SPRED2: variants seen among roughly 807,000 people sequenced by gnomAD.
The protein encoded by SPRED2 is sprouty related EVH1 domain containing 2.
In SPRED2, 47 loss-of-function variants were observed where a neutral mutation model predicts 43.0. The ratio of observed to expected loss-of-function variants is 1.09; its 90% CI spans 0.87 to 1.40. The LOEUF (loss-of-function observed/expected upper bound fraction) is 1.40, where lower values mean the gene tolerates loss of function less well. Among genes scored for constraint, SPRED2 ranks in the 40% most tolerant of loss-of-function variants. The pLI is 0.00. For missense variants in SPRED2, 561 were observed against 586.4 expected (o/e 0.96, Z 0.45); for synonymous variants, 225 against 225.7 (o/e 1.00, Z 0.03).
intron 4 of SPRED2, among the ~76,000 whole-genome samples, chr2:65,317,984 A>AT (rs1673295148): frequency 1.3e-5 from 2 of 152,156 alleles, no homozygotes; most frequent in African/African-American, 4.8e-5. Flanking sequence ...GGCACCCAGT[A>AT]TGCCACCTGA....
intron 1 of SPRED2, among the ~76,000 whole-genome samples, chr2:65,362,577 G>A (rs754316637): frequency 1.3e-5 from 2 of 152,048 alleles, no homozygotes; most frequent in East Asian, 3.9e-4. Flanking sequence ...GCCGTCACCT[G>A]TTATGAAGAA....
chr2:65,383,844 T>C (rs1462945777), intron 1 of SPRED2, among the ~76,000 whole-genome samples: 1 of 152,226 alleles, frequency 6.6e-6, no homozygotes, highest in Non-Finnish European at 1.5e-5. Context: ...AGGCAAGTTA[T>C]AAAAACAGGA....
chr2:65,393,644 G>A (rs1205238347), intron 1 of SPRED2, among the ~76,000 whole-genome samples: 1 of 151,944 alleles, frequency 6.6e-6, no homozygotes, highest in African/African-American at 2.4e-5. Context: ...ATTTTTTGTT[G>A]TTGTTGTTTT....
intron 4 of SPRED2, among the ~76,000 whole-genome samples, chr2:65,331,470 A>G (rs1272714809): frequency 6.6e-6 from 1 of 152,206 alleles, no homozygotes; most frequent in Admixed American, 6.5e-5. Context: ...CTGCGTTAGC[A>G]CACTTGGGCC....
At chr2:65,334,370 C>T in intron 3 of SPRED2, 2 of 612,640 alleles carry the variant, frequency 3.3e-6, no homozygotes, top group Non-Finnish European at 6.2e-6. Context: ...TGTTTTTTCA[C>T]AGCAGAGTCT....
At chr2:65,375,369 C>T (rs925431115) in intron 1 of SPRED2, among the ~76,000 whole-genome samples, 9 of 152,194 alleles carry the variant, frequency 5.9e-5, no homozygotes, top group Non-Finnish European at 1.0e-4. Context: ...TAGCCCTATT[C>T]AAAAGGGACA....
rs1386938886 is a variant in SPRED2, at chr2:65,339,048, G to T, written c.205-4275C>A. ...CAGCCGCCCCGTCCGGGAGGGAGGT[G>T]GGGGGCTCAGCCCCCCGCCGGGCCA... On this transcript the variant is annotated intron_variant, in intron 2 of 5. Coordinates refer to ENST00000356388, the MANE Select transcript of SPRED2 (RefSeq NM_181784.3). Among the ~76,000 whole-genome samples, 24 of 139,416 alleles carry T rather than the reference G, an allele frequency of 1.7e-4. No homozygotes were observed. The South Asian group carries it at 2.3e-3, about 13-fold the overall frequency. 91.5% of individuals were successfully genotyped at this position (139,416 alleles called of 152,430 possible).
At chr2:65,360,106 A>C (rs1214269400) in intron 1 of SPRED2, among the ~76,000 whole-genome samples, 6 of 144,872 alleles carry the variant, frequency 4.1e-5, no homozygotes, top group Non-Finnish European at 5.9e-5. Context: ...AAAACAAAAA[A>C]AAAAAAAACA....
intron 1 of SPRED2, among the ~76,000 whole-genome samples, chr2:65,408,187 T>C (rs1185177148): frequency 6.6e-6 from 1 of 152,200 alleles, no homozygotes; most frequent in African/African-American, 2.4e-5. Flanking sequence ...AGGCTGAAAC[T>C]TCTTTCCAGA....
intron 1 of SPRED2, among the ~76,000 whole-genome samples, chr2:65,382,303 CGAA>C (rs915121085): frequency 2.8e-4 from 42 of 151,934 alleles, no homozygotes; most frequent in African/African-American, 8.7e-4. Flanking sequence ...AAGAAGGCTA[CGAA>C]GAAGAAGAAG....
At chr2:65,362,433 C>A (rs905459108) in intron 1 of SPRED2, among the ~76,000 whole-genome samples, 5 of 152,064 alleles carry the variant, frequency 3.3e-5, no homozygotes, top group African/African-American at 1.2e-4. Context: ...CCACGCCCAG[C>A]TAATTGTTTT....
chr2:65,339,282 A>AG (rs1256573337), intron 2 of SPRED2, among the ~76,000 whole-genome samples: 4 of 126,998 alleles, frequency 3.1e-5, no homozygotes, highest in South Asian at 3.0e-4. Flanking sequence ...CTGGAATGGA[A>AG]GGGGGGGCAG....
chr2:65,369,771 T>G, intron 1 of SPRED2, among the ~76,000 whole-genome samples: 1 of 152,248 alleles, frequency 6.6e-6, no homozygotes, highest in African/African-American at 2.4e-5. Flanking sequence ...CTCATGCCAG[T>G]GCTGGGCCTG....
chr2:65,313,940 T>C lies in SPRED2; in HGVS notation c.818A>G (p.Asp273Gly). 6.2e-7 allele frequency: 1 copy of C among 1,611,746 alleles called. No homozygotes were observed. The highest frequency in any genetic ancestry group is 1.1e-5 in the South Asian group (1 of 91,084). Reference protein sequence around the residue: ...DYNYPYVDSSDFGLGEDPKGR... With the variant: ...DYNYPYVDSSGFGLGEDPKGR... ...TTTGGGGTCCTCGCCTAGGCCAAAG[T>C]CTGAGGAGTCCACGTAGGGGTAGTT... Residue 273 changes from aspartate to glycine, a missense_variant, in exon 6 of 6, where the codon GAC becomes GGC. Around this residue, in one of 6 missense-constraint regions of SPRED2, gnomAD observed 164 missense variants for 164.1 expected, o/e 1.00. Coordinates refer to ENST00000356388, the MANE Select transcript of SPRED2 (RefSeq NM_181784.3).
intron 4 of SPRED2, 25 bp from the exon 5 acceptor site, chr2:65,316,908 G>A (rs373591534): frequency 5.5e-5 from 88 of 1,607,484 alleles, no homozygotes; most frequent in Non-Finnish European, 7.4e-5. Flanking sequence ...GTAACCAAGA[G>A]TCAATTTAAA....
At position 65,311,758 on chromosome 2, in the gene SPRED2, A is replaced by C. The variant is rs535669079; in HGVS notation, c.*1743T>G. 2.7e-4 allele frequency: 262 copies of C among 985,436 alleles called. No homozygotes were observed. The highest frequency in any genetic ancestry group is 2.9e-4 in the Non-Finnish European group (238 of 829,948). The allele number at this position is 985,436 out of a possible 1,614,324, so 61.0% of individuals were successfully genotyped here. A position where few individuals can be genotyped will look rare whatever the true frequency, so the allele number is the denominator to read the frequency against. On this transcript the variant is annotated 3_prime_UTR_variant, in exon 6 of 6. Transcript: ENST00000356388. ...CGTCTACTAACTGACTCATAAGCAC[A>C]CTGGGTATTTACACCGGTAATCTAC...
intron 1 of SPRED2, among the ~76,000 whole-genome samples, chr2:65,399,074 C>T (rs7568333): frequency 1.1e-4 from 16 of 151,908 alleles, no homozygotes; most frequent in Non-Finnish European, 1.3e-4. Context: ...GTCAGGAGAT[C>T]GAGACCATCC....
At chr2:65,401,742 G>A (rs914554171) in intron 1 of SPRED2, among the ~76,000 whole-genome samples, 1 of 151,950 alleles carries the variant, frequency 6.6e-6, no homozygotes, top group African/African-American at 2.4e-5. Flanking sequence ...GGAGCTTGCA[G>A]TGAGCCAAGA....
chr2:65,318,660 A>T (rs957112048), intron 4 of SPRED2, among the ~76,000 whole-genome samples: 2 of 151,902 alleles, frequency 1.3e-5, no homozygotes, highest in East Asian at 3.9e-4. Context: ...GCTTATATAT[A>T]TATTTTTAAA....
Sources: allele counts gnomAD v4.1 joint callset (sites outside exome capture counted in the v4.1 genomes callset), GRCh38; gene constraint gnomAD v4.1.1; regional missense constraint gnomAD v4.1.1; transcripts MANE v1.5; gene names NCBI Gene and HGNC (gene_info 2026-07-23, HGNC 2026-07-21).